Variants in ALDH18A1 observed in about 807,000 individuals in gnomAD.
ALDH18A1 encodes aldehyde dehydrogenase 18 family member A1.
In ALDH18A1, 44 loss-of-function variants were observed where a neutral mutation model predicts 88.8. The observed-to-expected ratio is 0.50, with a 90% CI of 0.39 to 0.64. The LOEUF (loss-of-function observed/expected upper bound fraction) is 0.64, where lower values mean the gene tolerates loss of function less well. Ranked by LOEUF, ALDH18A1 falls within the 30% of genes least tolerant of loss-of-function variation. The pLI, the probability that ALDH18A1 is intolerant of heterozygous loss-of-function variation, is 0.00. For missense variants in ALDH18A1, 782 were observed against 1,009.5 expected (o/e 0.77, Z 3.05); for synonymous variants, 331 against 372.1 (o/e 0.89, Z 1.27).
At chr10:95,609,415 G>A (rs780415267) in intron 17 of ALDH18A1, among the ~76,000 whole-genome samples, 6 of 152,144 alleles carry the variant, frequency 3.9e-5, no homozygotes, top group East Asian at 1.9e-4. Flanking sequence ...TCCTATCTCC[G>A]AGGCAACCTG....
At chr10:95,631,435 A>G (rs1455114614) in intron 7 of ALDH18A1, among the ~76,000 whole-genome samples, 2 of 152,180 alleles carry the variant, frequency 1.3e-5, no homozygotes, top group African/African-American at 2.4e-5. Flanking sequence ...TGGCTATAAT[A>G]AAAAAGGCAG....
intron 11 of ALDH18A1, among the ~76,000 whole-genome samples, chr10:95,624,169 A>C (rs501819): frequency 0.35 from 52,725 of 152,086 alleles, 9,803 homozygotes; most frequent in East Asian, 0.7. Flanking sequence ...ATAGTTTTTG[A>C]GGATAAATTC....
chr10:95,648,855 T>TA (rs2097905326), intron 2 of ALDH18A1, among the ~76,000 whole-genome samples: 1 of 152,168 alleles, frequency 6.6e-6, no homozygotes, highest in Non-Finnish European at 1.5e-5. Context: ...CAGTCCAAAA[T>TA]ACCATCCCAC....
chr10:95,626,831 T>A, intron 9 of ALDH18A1, 55 bp from the exon 10 acceptor site: 19 of 1,534,596 alleles, frequency 1.2e-5, no homozygotes, highest in Non-Finnish European at 1.7e-5. Context: ...TCTCTCTAGT[T>A]CTACTACTAG....
chr10:95,621,949 G>GATATAGTC (rs2139571968), intron 11 of ALDH18A1, among the ~76,000 whole-genome samples: 1 of 152,170 alleles, frequency 6.6e-6, no homozygotes, highest in East Asian at 1.9e-4. Flanking sequence ...AGCTGTCTAG[G>GATATAGTC]ATATAGTCTA....
intron 11 of ALDH18A1, among the ~76,000 whole-genome samples, chr10:95,622,132 T>C (rs1335170412): frequency 6.6e-6 from 1 of 152,196 alleles, no homozygotes; most frequent in Non-Finnish European, 1.5e-5. Flanking sequence ...AACAAAGATG[T>C]TTTCTTCTAA....
Position 95,611,259 on chromosome 10 carries a change from C to A in ALDH18A1, c.2107G>T (p.Asp703Tyr), listed in dbSNP as rs1739710917. ...CGGGAAGCATCTGGACACTGACCGT[C>A]CTCTGTGACGATGACATCCGTGTGG... ...SSHTDVIVTEDENTAEFFLQH... is the reference protein window; with the variant it reads ...SSHTDVIVTEYENTAEFFLQH... The change falls in exon 16 of 18, where the codon GAC (aspartate) becomes TAC (tyrosine). Residue 703 changes from aspartate (D) to tyrosine (Y), a missense_variant. By Grantham distance (160) the Asp-to-Tyr change is radical. Around this residue, in one of 3 missense-constraint regions of ALDH18A1, gnomAD observed 556 missense variants for 654.5 expected, o/e 0.85. Transcript: ENST00000371224. 3.1e-6 allele frequency: 5 copies of A among 1,613,938 alleles called. No individual in the cohort carries two copies. The highest frequency in any genetic ancestry group is 4.2e-6 in the Non-Finnish European group (5 of 1,179,956).
At chr10:95,642,760 C>T (rs2097894170) in intron 3 of ALDH18A1, among the ~76,000 whole-genome samples, 1 of 152,240 alleles carries the variant, frequency 6.6e-6, no homozygotes, top group African/African-American at 2.4e-5. Context: ...ACTAAGAAGT[C>T]TGAGACATGA....
intron 12 of ALDH18A1, among the ~76,000 whole-genome samples, chr10:95,620,132 C>A (rs1446567635): frequency 2.6e-5 from 4 of 152,158 alleles, no homozygotes; most frequent in Admixed American, 2.6e-4. Context: ...AGGATATGAA[C>A]AGACACTTCT....
In ALDH18A1 at chr10:95,613,983, T is replaced by A. The variant is rs2097840297; in HGVS notation, c.1784A>T (p.Asp595Val). The A allele has an allele frequency of 1.2e-6, 2 of 1,614,078 alleles. No individual in the cohort carries two copies. The highest frequency in any genetic ancestry group is 1.7e-6 in the Non-Finnish European group (2 of 1,180,036). The change falls in exon 14 of 18, where the codon GAT (aspartate) becomes GTT (valine). Residue 595 changes from aspartate (D) to valine (V), a missense_variant. Around this residue, in one of 3 missense-constraint regions of ALDH18A1, gnomAD observed 556 missense variants for 654.5 expected, o/e 0.85. Transcript: ENST00000371224. ...CAGCTCACCTAGCCTGGTGACCTTA[T>A]CAACACTGGCCTCGGAATCCACATA... is the stretch of plus-strand genomic sequence containing the variant. The part of the protein sequence containing the change: ...HMYVDSEASV[D>V]KVTRLVRDSK...
At chr10:95,623,165 TA>T (rs552778394) in intron 11 of ALDH18A1, among the ~76,000 whole-genome samples, 8 of 151,214 alleles carry the variant, frequency 5.3e-5, no homozygotes, top group Admixed American at 2.0e-4. Flanking sequence ...CCCCATATGC[TA>T]AAAAAAAAGT....
intron 3 of ALDH18A1, 136 bp downstream of exon 3, chr10:95,642,856 G>T: frequency 1.0e-6 from 1 of 969,622 alleles, no homozygotes; most frequent in Non-Finnish European, 1.6e-6. Context: ...GTGGGAAACA[G>T]TTTTCACATT....
chr10:95,648,180 CAG>C (rs952965547), intron 2 of ALDH18A1, among the ~76,000 whole-genome samples: 18 of 152,106 alleles, frequency 1.2e-4, no homozygotes, highest in Non-Finnish European at 2.4e-4. Context: ...CTCAGGGAGA[CAG>C]TGTCAGAATT....
chr10:95,650,505 G>A (rs1286691663), intron 2 of ALDH18A1, among the ~76,000 whole-genome samples: 1 of 152,202 alleles, frequency 6.6e-6, no homozygotes, highest in African/African-American at 2.4e-5. Context: ...GAATGCATGA[G>A]TCCTCACTCT....
At chr10:95,644,697 G>C (rs760154840) in intron 2 of ALDH18A1, among the ~76,000 whole-genome samples, 74 of 152,290 alleles carry the variant, frequency 4.9e-4, no homozygotes, top group Non-Finnish European at 7.8e-4. Flanking sequence ...TTCTTGCTCA[G>C]GTAGACAGGA....
chr10:95,648,326 A>G (rs888688440), intron 2 of ALDH18A1, among the ~76,000 whole-genome samples: 1 of 18,392 alleles, frequency 5.4e-5, no homozygotes, highest in Non-Finnish European at 1.8e-4. Context: ...TACCTTCATC[A>G]TCATCATCAT....
intron 9 of ALDH18A1, 112 bp downstream of exon 9, chr10:95,627,330 C>G (rs528591076): frequency 6.8e-7 from 1 of 1,460,914 alleles, no homozygotes; most frequent in African/African-American, 1.4e-5. Context: ...AAATAGCGTT[C>G]AAAACAATGC....
At chr10:95,617,245 G>A (rs1283133150) in intron 12 of ALDH18A1, among the ~76,000 whole-genome samples, 5 of 152,272 alleles carry the variant, frequency 3.3e-5, no homozygotes, top group South Asian at 2.1e-4. Context: ...AGACTCCGTC[G>A]CAAACAAACA....
chr10:95,628,836 C>A, intron 7 of ALDH18A1: 1 of 340,538 alleles, frequency 2.9e-6, no homozygotes, highest in Non-Finnish European at 5.7e-6. Context: ...GCTTTAAGGA[C>A]AGAACTGAAA....
Sources: allele counts gnomAD v4.1 joint callset (sites outside exome capture counted in the v4.1 genomes callset), GRCh38; gene constraint gnomAD v4.1.1; regional missense constraint gnomAD v4.1.1; transcripts MANE v1.5; gene names NCBI Gene and HGNC (gene_info 2026-07-23, HGNC 2026-07-21).